Variants in PPP1R1C observed in about 807,000 individuals in gnomAD.
The protein encoded by PPP1R1C is protein phosphatase 1 regulatory subunit 1C.
Under a neutral mutation model 17.4 loss-of-function variants are expected in PPP1R1C, and 15 were observed. The ratio of observed to expected loss-of-function variants is 0.86; its 90% confidence interval spans 0.58 to 1.33. PPP1R1C has a LOEUF of 1.33. PPP1R1C is among the 40% of genes most tolerant of loss of function. PPP1R1C has a pLI of 0.00. For missense variants in PPP1R1C, 143 were observed against 130.0 expected, an observed-to-expected ratio of 1.10 and a Z score of -0.48; for synonymous variants, 35 against 43.1, an observed-to-expected ratio of 0.81 and a Z score of 0.73.
chr2:181,993,531 C>T (rs1475983584), intron 2 of PPP1R1C, among the ~76,000 whole-genome samples: 1 of 152,094 alleles, frequency 6.6e-6, no homozygotes, highest in African/African-American at 2.4e-5. Flanking sequence ...TCATTTGAAT[C>T]CACAATCTTG....
rs542962570 is a variant in PPP1R1C at position 182,043,800 on chromosome 2, C to T, written c.143-17642C>T. Among the ~76,000 whole-genome samples the T allele has an allele frequency of 5.3e-5, 8 of 152,124 alleles. No homozygotes were observed. In the South Asian group the frequency reaches 6.2e-4, roughly 12 times the overall value. On this transcript the variant is annotated intron_variant, in intron 2 of 4. Transcript: ENST00000682840. ...GCCCTCTGCTTCTCTAGTCCTCCAC[C>T]GTCTTCCTGGGCATTCTCATCCTCT...
At chr2:182,090,336 A>C (rs1203992149) in intron 4 of PPP1R1C, among the ~76,000 whole-genome samples, 4 of 147,136 alleles carry the variant, frequency 2.7e-5, no homozygotes, top group African/African-American at 7.7e-5. Flanking sequence ...ACAGAGAGCA[A>C]GAGAGAAAAA....
intron 2 of PPP1R1C, chr2:182,023,899 G>A (rs1382224102): frequency 6.6e-6 from 1 of 152,050 alleles, no homozygotes; most frequent in African/African-American, 2.4e-5. Flanking sequence ...GCCTCTCAGA[G>A]TGCTGGGGTT....
At chr2:182,093,304 AG>A (rs1051665373) in intron 4 of PPP1R1C, among the ~76,000 whole-genome samples, 1 of 152,150 alleles carries the variant, frequency 6.6e-6, no homozygotes, top group African/African-American at 2.4e-5. Flanking sequence ...CCAAGTCCCT[AG>A]GCTGCACACA....
At chr2:182,029,681 A>G (rs1437767255) in intron 2 of PPP1R1C, among the ~76,000 whole-genome samples, 2 of 113,084 alleles carry the variant, frequency 1.8e-5, no homozygotes, top group Non-Finnish European at 3.6e-5. Context: ...GAATCTGACA[A>G]TTATGTGTCT....
At chr2:182,053,471 AG>A (rs759992412) in intron 2 of PPP1R1C, among the ~76,000 whole-genome samples, 1 of 152,136 alleles carries the variant, frequency 6.6e-6, no homozygotes, top group Non-Finnish European at 1.5e-5. Flanking sequence ...GTAGAAAAAT[AG>A]TTTTGTTTAC....
chr2:182,026,659 G>T (rs1686622733), intron 2 of PPP1R1C, among the ~76,000 whole-genome samples: 1 of 152,110 alleles, frequency 6.6e-6, no homozygotes, highest in Non-Finnish European at 1.5e-5. Flanking sequence ...CTCCAGCTTC[G>T]TTCTTTTGGC....
intron 5 of PPP1R1C, chr2:182,128,921 A>T (rs1179035795): frequency 6.6e-6 from 1 of 152,074 alleles, no homozygotes; most frequent in Non-Finnish European, 1.5e-5. Context: ...ATGGTATTAA[A>T]TCCTCTGGAA....
At chr2:182,047,497 C>A (rs1056310046) in intron 2 of PPP1R1C, among the ~76,000 whole-genome samples, 2 of 152,104 alleles carry the variant, frequency 1.3e-5, no homozygotes, top group African/African-American at 4.8e-5. Context: ...ACTAGAATTA[C>A]TGGAATAAAT....
At chr2:182,035,342 A>ATT (rs1245536032) in intron 2 of PPP1R1C, among the ~76,000 whole-genome samples, 1 of 152,234 alleles carries the variant, frequency 6.6e-6, no homozygotes, top group Non-Finnish European at 1.5e-5. Context: ...TTTAGTAACT[A>ATT]TTTAATTCTC....
chr2:182,004,250 A>G (rs1469316214), intron 2 of PPP1R1C, among the ~76,000 whole-genome samples: 1 of 152,208 alleles, frequency 6.6e-6, no homozygotes, highest in Non-Finnish European at 1.5e-5. Context: ...CTTTACAATT[A>G]TGAAATATTT....
At chr2:182,074,041 CTTTTTTTTTT>C (rs554848749) in intron 4 of PPP1R1C, among the ~76,000 whole-genome samples, 1 of 131,162 alleles carries the variant, frequency 7.6e-6, no homozygotes, top group Non-Finnish European at 1.6e-5. Context: ...AATTCTTCTT[CTTTTTTTTTT>C]TTTTTTTTGA....
intron 2 of PPP1R1C, among the ~76,000 whole-genome samples, chr2:182,038,881 T>G (rs1201966515): frequency 6.6e-6 from 1 of 152,212 alleles, no homozygotes; most frequent in Non-Finnish European, 1.5e-5. Context: ...CAGGTAGATT[T>G]TAGCTTAGAA....
At chr2:182,066,968 T>TTGTGTGTG (rs3064017) in intron 4 of PPP1R1C, among the ~76,000 whole-genome samples, 1 of 144,722 alleles carries the variant, frequency 6.9e-6, no homozygotes, top group African/African-American at 2.5e-5. Context: ...GTGTGTGTGT[T>TTGTGTGTG]TGTGTGTGTG....
upstream of PPP1R1C, among the ~76,000 whole-genome samples, chr2:181,984,081 A>G (rs1321904915): frequency 6.6e-6 from 1 of 152,242 alleles, no homozygotes; most frequent in East Asian, 1.9e-4. Context: ...TTCCAAGTAG[A>G]TAGATATTCT....
chr2:182,076,189 TTTC>T (rs1688295968), intron 4 of PPP1R1C, among the ~76,000 whole-genome samples: 3 of 122,930 alleles, frequency 2.4e-5, no homozygotes, highest in Non-Finnish European at 4.7e-5. Flanking sequence ...AACTTTTTTT[TTTC>T]TTTTCTTTTT....
intron 5 of PPP1R1C, among the ~76,000 whole-genome samples, chr2:182,126,088 T>C (rs895394585): frequency 6.6e-6 from 1 of 152,204 alleles, no homozygotes; most frequent in Admixed American, 6.6e-5. Context: ...AGCAAACAAC[T>C]TAAGTGTAAG....
At chr2:182,022,231 T>G (rs1423630986) in intron 2 of PPP1R1C, among the ~76,000 whole-genome samples, 1 of 152,226 alleles carries the variant, frequency 6.6e-6, no homozygotes, top group Non-Finnish European at 1.5e-5. Flanking sequence ...TCACCTGAAG[T>G]CAATTTATGT....
At chr2:182,089,346 G>T (rs1688718334) in intron 4 of PPP1R1C, among the ~76,000 whole-genome samples, 1 of 152,172 alleles carries the variant, frequency 6.6e-6, no homozygotes, top group South Asian at 2.1e-4. Flanking sequence ...GTAGTAGAAG[G>T]AAGAGATTAA....
Sources: gnomAD v4.1 joint callset for allele counts (sites outside exome capture counted in the v4.1 genomes callset) on GRCh38, gnomAD v4.1.1 for gene constraint, MANE v1.5 for transcripts, NCBI Gene and HGNC (gene_info 2026-07-23, HGNC 2026-07-21) for gene names.